NFX1: variants seen among roughly 807,000 people sequenced by gnomAD.
NFX1 encodes nuclear transcription factor, X-box binding 1, also known as transcriptional repressor NF-X1.
Under a neutral mutation model 137.2 loss-of-function variants are expected in NFX1, and 69 were observed. The observed-to-expected ratio is 0.50, with a 90% confidence interval of 0.41 to 0.61. NFX1 has a LOEUF of 0.61. NFX1 is among the 20% of genes least tolerant of loss of function. The pLI is 0.00. For synonymous variants in NFX1, 495 were observed against 474.1 expected (o/e 1.04, Z -0.57); for missense variants, 1,167 against 1,391.0 (o/e 0.84, Z 2.56).
At chr9:33,324,065 A>C (rs1298229648) in intron 9 of NFX1, among the ~76,000 whole-genome samples, 2 of 152,040 alleles carry the variant, frequency 1.3e-5, no homozygotes, top group East Asian at 3.9e-4. Flanking sequence ...ACGTAGTGAG[A>C]CCCTATCTCT....
At chr9:33,348,671 C>T (rs947122869) in intron 15 of NFX1, 1 of 876,140 alleles carries the variant, frequency 1.1e-6, no homozygotes, top group African/African-American at 1.8e-5. Context: ...CACAAAGTTT[C>T]AATTTGTAAA....
chr9:33,309,275 T>G lies in NFX1; in HGVS notation c.1377-1831T>G, dbSNP rs527967022. ...GAGAGGCTGATGCAGGAGAATGGCG[T>G]GAACCCGGGAGGCGGAGGTTGCAGT... On this transcript the variant is annotated intron_variant, in intron 5 of 23. Coordinates refer to ENST00000379540, the MANE Select transcript of NFX1 (RefSeq NM_002504.6). 1.1e-4 allele frequency among the ~76,000 whole-genome samples: 17 copies of G among 151,678 alleles called. No individual in the cohort carries two copies. The South Asian group carries it at 3.3e-3, about 30-fold the overall frequency.
chr9:33,344,597 T>C (rs773316074), intron 14 of NFX1, among the ~76,000 whole-genome samples: 15 of 152,220 alleles, frequency 9.9e-5, no homozygotes, highest in Non-Finnish European at 1.8e-4. Context: ...CCAGGCGCAG[T>C]GGCTCATGCC....
At position 33,355,401 on chromosome 9, in the gene NFX1, T is replaced by C. The variant is rs1823775582; in HGVS notation, c.2873+509T>C. 2.0e-5 allele frequency among the ~76,000 whole-genome samples: 3 copies of C among 152,226 alleles called. No individual in the cohort carries two copies. The South Asian group carries it at 6.2e-4, about 32-fold the overall frequency. Reference sequence around the variant, plus strand: ...AAGGTGAAACCTCTATCCTAATTTCTCTTTAGATTAGTTTTTGAACTTTAT... The same window carrying C: ...AAGGTGAAACCTCTATCCTAATTTCCCTTTAGATTAGTTTTTGAACTTTAT... On this transcript the variant is annotated intron_variant, in intron 19 of 23. Coordinates refer to ENST00000379540, the MANE Select transcript of NFX1 (RefSeq NM_002504.6).
chr9:33,370,213 G>T lies in NFX1; in HGVS notation c.*235G>T. 2.5e-6 allele frequency: 1 copy of T among 408,028 alleles called. No individual in the cohort carries two copies. The highest frequency in any genetic ancestry group is 4.3e-6 in the Non-Finnish European group (1 of 231,702). 25.3% of individuals were successfully genotyped at this position (408,028 alleles called of 1,614,324 possible). On this transcript the variant is annotated 3_prime_UTR_variant, in exon 24 of 24. Transcript: ENST00000379540. Reference sequence around the variant, plus strand: ...GTATGGTCACTAGGTATGCAATCACGCATTCAAAGAGGCTCTTTACACCAT... The same window carrying T: ...GTATGGTCACTAGGTATGCAATCACTCATTCAAAGAGGCTCTTTACACCAT...
chr9:33,342,170 A>AT (rs1029383924), intron 12 of NFX1, among the ~76,000 whole-genome samples: 6 of 139,278 alleles, frequency 4.3e-5, no homozygotes, highest in Non-Finnish European at 7.7e-5. Context: ...AATAAAATAT[A>AT]TTTTTTTAAA....
chr9:33,313,639 C>G lies in NFX1; in HGVS notation c.1449-15C>G. On this transcript the variant is annotated splice_polypyrimidine_tract_variant and intron_variant, in intron 6 of 23. Coordinates refer to ENST00000379540, the MANE Select transcript of NFX1 (RefSeq NM_002504.6). The stretch of plus-strand genomic sequence containing the variant: ...TTTTACACTGATGCTGTCTTTACAT[C>G]TATTGTCTTTACAGGCACACAGTTC... 1 of 1,613,542 alleles carries G rather than the reference C, an allele frequency of 6.2e-7. No individual in the cohort carries two copies. The highest frequency in any genetic ancestry group is 8.5e-7 in the Non-Finnish European group (1 of 1,179,538).
At chr9:33,352,773 T>C in intron 17 of NFX1, 54 bp downstream of exon 17, 1 of 1,435,302 alleles carries the variant, frequency 7.0e-7, no homozygotes, top group African/African-American at 1.4e-5. Context: ...CAGATACATG[T>C]GTTTTGTTTT....
chr9:33,328,708 C>G, intron 10 of NFX1, 30 bp downstream of exon 10: 8 of 1,515,100 alleles, frequency 5.3e-6, no homozygotes, highest in Non-Finnish European at 7.3e-6. Flanking sequence ...AGAGTTGTTG[C>G]CATCAATGTT....
chr9:33,291,553 A>C (rs1248178985), intron 1 of NFX1, among the ~76,000 whole-genome samples: 3 of 152,208 alleles, frequency 2.0e-5, no homozygotes, highest in African/African-American at 7.2e-5. Context: ...AGAAGACCAT[A>C]TATGTATTTG....
At chr9:33,328,535 G>A in intron 9 of NFX1, 46 bp from the exon 10 acceptor site, 1 of 1,434,238 alleles carries the variant, frequency 7.0e-7, no homozygotes, top group Non-Finnish European at 9.8e-7. Flanking sequence ...GTATGAAAAT[G>A]AGTAGTTGCA....
In NFX1 at chr9:33,292,829, T is replaced by A. The variant is rs551997869; in HGVS notation, c.26-1591T>A. On this transcript the variant is annotated intron_variant, in intron 1 of 23. Transcript: ENST00000379540. Reference sequence around the variant, plus strand: ...TCTTTACTGATCTTATTTCTGCCCCTCTTTCCAGTCTCGCTTTTTCAAGCA... The same window carrying A: ...TCTTTACTGATCTTATTTCTGCCCCACTTTCCAGTCTCGCTTTTTCAAGCA... 1.2e-4 allele frequency among the ~76,000 whole-genome samples: 19 copies of A among 152,360 alleles called. No individual in the cohort carries two copies. In the East Asian group the frequency reaches 3.3e-3, roughly 26 times the overall value.
At chr9:33,311,480 A>T (rs956492555) in intron 6 of NFX1, among the ~76,000 whole-genome samples, 1 of 152,186 alleles carries the variant, frequency 6.6e-6, no homozygotes, top group Admixed American at 6.5e-5. Flanking sequence ...GTAATCTTAT[A>T]AGTGATTAAG....
At chr9:33,311,676 C>T (rs1391969566) in intron 6 of NFX1, among the ~76,000 whole-genome samples, 2 of 152,092 alleles carry the variant, frequency 1.3e-5, no homozygotes, top group Admixed American at 6.5e-5. Flanking sequence ...CCTCAGCCTC[C>T]CAAGTAGCTG....
Position 33,294,566 on chromosome 9 carries a change from A to T in NFX1, c.172A>T (p.Arg58Trp). ...TTCACCACCTCCCTGTCACCTTTCC[A>T]GGCAGGTCCCTTATGATGAAATCTC... Reference protein sequence around the residue: ...YSSPPPCHLSRQVPYDEISAV... With the variant: ...YSSPPPCHLSWQVPYDEISAV... Residue 58 changes from arginine (R) to tryptophan (W), a missense_variant, in exon 2 of 24, where the codon AGG (arginine) becomes TGG (tryptophan). Physicochemically the swap from Arg to Trp is moderately radical, Grantham distance 101. Around this residue, in one of 3 missense-constraint regions of NFX1, gnomAD observed 367 missense variants for 386.7 expected, o/e 0.95. Transcript: ENST00000379540. The T allele has an allele frequency of 6.2e-7, 1 of 1,614,216 alleles. No homozygotes were observed. The highest frequency in any genetic ancestry group is 8.5e-7 in the Non-Finnish European group (1 of 1,180,036).
rs866638124 is a variant in NFX1, at chr9:33,349,879, T to A, written c.2425-1681T>A. Among the ~76,000 whole-genome samples, 5 of 152,132 alleles carry A rather than the reference T, an allele frequency of 3.3e-5. No individual in the cohort carries two copies. In the South Asian group the frequency reaches 8.3e-4, roughly 25 times the overall value. On this transcript the variant is annotated intron_variant, in intron 15 of 23. Transcript: ENST00000379540. ...CAAAAATTAGCTGGGTTTAGTGGCA[T>A]GCCTGTACTCCCAGCTACTTGGAAG...
chr9:33,330,301 A>G (rs1479664368), intron 10 of NFX1, among the ~76,000 whole-genome samples: 1 of 152,214 alleles, frequency 6.6e-6, no homozygotes, highest in African/African-American at 2.4e-5. Context: ...AGGGTCTGGC[A>G]GCATCTGACT....
intron 11 of NFX1, among the ~76,000 whole-genome samples, chr9:33,337,841 G>A (rs1348986375): frequency 6.6e-6 from 1 of 152,162 alleles, no homozygotes. Context: ...CTGAGGTCAG[G>A]TGTTCAAGAC....
At chr9:33,330,754 G>A (rs1383736683) in intron 10 of NFX1, among the ~76,000 whole-genome samples, 1 of 152,136 alleles carries the variant, frequency 6.6e-6, no homozygotes, top group Non-Finnish European at 1.5e-5. Flanking sequence ...CCATGGCAGT[G>A]AGTGTATTCT....
Sources: allele counts gnomAD v4.1 joint callset (sites outside exome capture counted in the v4.1 genomes callset), GRCh38; gene constraint gnomAD v4.1.1; regional missense constraint gnomAD v4.1.1; transcripts MANE v1.5; gene names NCBI Gene and HGNC (gene_info 2026-07-23, HGNC 2026-07-21).